Variants in PRKG1 observed in about 807,000 individuals in gnomAD.
PRKG1 encodes the protein protein kinase cGMP-dependent 1.
PRKG1 carries 35 observed loss-of-function variants against 88.1 expected under a neutral mutation model. The observed-to-expected ratio is 0.40, with a 90% CI of 0.30 to 0.53. The LOEUF (loss-of-function observed/expected upper bound fraction) is 0.53, where lower values mean the gene tolerates loss of function less well. Ranked by LOEUF, PRKG1 falls within the 20% of genes least tolerant of loss-of-function variation. The pLI, the probability that PRKG1 is intolerant of heterozygous loss-of-function variation, is 0.59. For missense variants in PRKG1, 540 were observed against 839.8 expected, an observed-to-expected ratio of 0.64 and a Z score of 4.41; for synonymous variants, 303 against 292.5, an observed-to-expected ratio of 1.04 and a Z score of -0.37.
chr10:51,164,353 C>A (rs1473799291), intron 2 of PRKG1, among the ~76,000 whole-genome samples: 10 of 152,060 alleles, frequency 6.6e-5, no homozygotes, highest in East Asian at 1.9e-4. Flanking sequence ...TGTTAGAAGG[C>A]AAACTAACAA....
intron 3 of PRKG1, chr10:51,699,123 G>A (rs141677700): frequency 1.1e-5 from 17 of 1,614,204 alleles, no homozygotes; most frequent in African/African-American, 6.7e-5. Flanking sequence ...TGCTTCATCA[G>A]CTCAAACATC....
chr10:51,865,905 G>A (rs1363658093), intron 4 of PRKG1, among the ~76,000 whole-genome samples: 2 of 151,752 alleles, frequency 1.3e-5, no homozygotes, highest in African/African-American at 4.8e-5. Context: ...TAAGAATATG[G>A]AACATAAATA....
At chr10:51,962,236 A>C (rs1843464660) in intron 5 of PRKG1, among the ~76,000 whole-genome samples, 1 of 152,128 alleles carries the variant, frequency 6.6e-6, no homozygotes, top group African/African-American at 2.4e-5. Flanking sequence ...TCTAGGGTTC[A>C]AATTCTGGGA....
chr10:51,922,707 C>T (rs1255203042), intron 5 of PRKG1, among the ~76,000 whole-genome samples: 1 of 151,512 alleles, frequency 6.6e-6, no homozygotes, highest in Non-Finnish European at 1.5e-5. Flanking sequence ...TAGAATTTTC[C>T]AGCTTTCTAT....
At chr10:51,977,753 G>T (rs1041063507) in intron 5 of PRKG1, among the ~76,000 whole-genome samples, 3 of 151,806 alleles carry the variant, frequency 2.0e-5, no homozygotes, top group Non-Finnish European at 4.4e-5. Context: ...ATGCTTATTG[G>T]CTGAATATGT....
At chr10:51,610,621 A>G (rs1376165297) in intron 3 of PRKG1, among the ~76,000 whole-genome samples, 1 of 152,160 alleles carries the variant, frequency 6.6e-6, no homozygotes, top group Non-Finnish European at 1.5e-5. Context: ...AAGACATGGA[A>G]CCAACCCAAA....
chr10:51,724,897 A>G (rs1842096239), intron 3 of PRKG1, among the ~76,000 whole-genome samples: 1 of 147,276 alleles, frequency 6.8e-6, no homozygotes, highest in Non-Finnish European at 1.5e-5. Flanking sequence ...TTTTGTAAAA[A>G]TAGGGTTTTG....
At chr10:52,175,374 C>T (rs950148608) in intron 9 of PRKG1, among the ~76,000 whole-genome samples, 8 of 151,890 alleles carry the variant, frequency 5.3e-5, no homozygotes, top group Admixed American at 4.6e-4. Flanking sequence ...TTTCTATATC[C>T]ATTCATCTGT....
At chr10:52,192,110 T>C (rs1173312913) in intron 9 of PRKG1, among the ~76,000 whole-genome samples, 1 of 152,210 alleles carries the variant, frequency 6.6e-6, no homozygotes, top group Non-Finnish European at 1.5e-5. Flanking sequence ...CATTTTTTGG[T>C]ATTATGAATT....
rs1291679751 is a variant in PRKG1 at position 52,296,042 on chromosome 10, G to T, written c.*2142G>T. ...TTTCAAGAGTTTTATATTTTTAATT[G>T]GCTTTTTAAAAATATGTAATTCCAA... is the stretch of plus-strand genomic sequence containing the variant. On this transcript the variant is annotated 3_prime_UTR_variant, in exon 18 of 18. Coordinates refer to ENST00000373980, the MANE Select transcript of PRKG1 (RefSeq NM_006258.4). 2.0e-5 allele frequency: 3 copies of T among 151,564 alleles called. No individual in the cohort carries two copies. Among genetic ancestry groups the T allele is most frequent in the Admixed American group, 6.6e-5 (1 of 15,192 alleles). The allele number at this position is 151,564 out of a possible 1,614,324, so 9.4% of individuals were successfully genotyped here.
chr10:51,005,991 C>T (rs989266861), intron 1 of PRKG1, among the ~76,000 whole-genome samples: 4 of 152,136 alleles, frequency 2.6e-5, no homozygotes, highest in Non-Finnish European at 4.4e-5. Context: ...GATATTCTAA[C>T]GGTGCAGTTG....
At chr10:51,901,885 A>G (rs984012690) in intron 4 of PRKG1, among the ~76,000 whole-genome samples, 1 of 152,150 alleles carries the variant, frequency 6.6e-6, no homozygotes, top group African/African-American at 2.4e-5. Flanking sequence ...TCTATCTTAC[A>G]TGAGTCAGGA....
intron 3 of PRKG1, among the ~76,000 whole-genome samples, chr10:51,685,897 A>G (rs946527938): frequency 1.3e-5 from 2 of 152,112 alleles, no homozygotes; most frequent in Non-Finnish European, 2.9e-5. Flanking sequence ...TTCTTTGAAG[A>G]GACCACTCTT....
chr10:51,845,177 C>T (rs1234518521), intron 4 of PRKG1, among the ~76,000 whole-genome samples: 1 of 151,992 alleles, frequency 6.6e-6, no homozygotes, highest in Non-Finnish European at 1.5e-5. Context: ...ACTGCTTTCC[C>T]CAAGATAACG....
At chr10:51,409,150 G>T (rs960548703) in intron 2 of PRKG1, among the ~76,000 whole-genome samples, 1 of 152,210 alleles carries the variant, frequency 6.6e-6, no homozygotes, top group African/African-American at 2.4e-5. Flanking sequence ...GGATGTCCCA[G>T]AAAGGGGCTA....
intron 3 of PRKG1, among the ~76,000 whole-genome samples, chr10:51,657,922 T>C (rs1244774228): frequency 6.6e-6 from 1 of 152,076 alleles, no homozygotes; most frequent in Non-Finnish European, 1.5e-5. Context: ...AAAGTGTTTG[T>C]CCAGAAGAAA....
chr10:51,873,770 C>G (rs955766339), intron 4 of PRKG1, among the ~76,000 whole-genome samples: 2 of 152,110 alleles, frequency 1.3e-5, no homozygotes, highest in African/African-American at 4.8e-5. Flanking sequence ...CTCAAGTGAT[C>G]CACTCGCCTC....
chr10:51,002,076 G>C (rs190435005), intron 1 of PRKG1, among the ~76,000 whole-genome samples: 16 of 151,960 alleles, frequency 1.1e-4, no homozygotes, highest in Admixed American at 7.9e-4. Context: ...AGAGTTCTTT[G>C]AACATTGACT....
intron 5 of PRKG1, among the ~76,000 whole-genome samples, chr10:51,929,216 G>T (rs923268706): frequency 6.6e-6 from 1 of 152,066 alleles, no homozygotes; most frequent in Non-Finnish European, 1.5e-5. Flanking sequence ...TAATGTTAAG[G>T]CAAAACCCTC....
Sources: gnomAD v4.1 joint callset for allele counts (sites outside exome capture counted in the v4.1 genomes callset) on GRCh38, gnomAD v4.1.1 for gene constraint, MANE v1.5 for transcripts, NCBI Gene and HGNC (gene_info 2026-07-23, HGNC 2026-07-21) for gene names.